The following PIGL variants were observed in gnomAD, a reference collection of about 807,000 sequenced individuals.
The protein encoded by PIGL is N-acetylglucosaminyl-phosphatidylinositol de-N-acetylase.
PIGL carries 22 observed loss-of-function variants against 31.1 expected under a neutral mutation model. The ratio of observed to expected loss-of-function variants is 0.71; its 90% confidence interval spans 0.51 to 1.01. The LOEUF (loss-of-function observed/expected upper bound fraction) is 1.01. Among genes scored for constraint, PIGL ranks in the 50% least tolerant of loss-of-function variants. The pLI, the probability that PIGL is intolerant of heterozygous loss-of-function variation, is 0.00. For missense variants in PIGL, 302 were observed against 315.9 expected (o/e 0.96, Z 0.33); for synonymous variants, 131 against 117.4 (o/e 1.12, Z -0.75).
At chr17:16,246,485 C>T (rs1441231617) in intron 2 of PIGL, among the ~76,000 whole-genome samples, 3 of 150,982 alleles carry the variant, frequency 2.0e-5, no homozygotes, top group Non-Finnish European at 4.4e-5. Context: ...GCACTCTAGC[C>T]TGGCAACAGA....
rs562856440 is a variant in PIGL at position 16,298,957 on chromosome 17, A to C, written c.336-931A>C. Among the ~76,000 whole-genome samples the C allele has an allele frequency of 5.3e-5, 8 of 151,354 alleles. 1 individual carries two copies. In the South Asian group the frequency reaches 1.7e-3, roughly 32 times the overall value. On this transcript the variant is annotated intron_variant, in intron 2 of 6. Transcript: ENST00000225609. Reference sequence around the variant, plus strand: ...CAGGAGAACCATTCGAACCCAGGAGATGGAGGTTACAGTGAGCTGAGATCA... The same window carrying C: ...CAGGAGAACCATTCGAACCCAGGAGCTGGAGGTTACAGTGAGCTGAGATCA...
At chr17:16,306,719 G>T (rs955741923) in intron 3 of PIGL, among the ~76,000 whole-genome samples, 2 of 151,972 alleles carry the variant, frequency 1.3e-5, no homozygotes, top group African/African-American at 2.4e-5. Context: ...AGTAGAGACG[G>T]GGTTTCTCCA....
At chr17:16,280,127 T>C (rs141790678) in intron 2 of PIGL, among the ~76,000 whole-genome samples, 1 of 152,292 alleles carries the variant, frequency 6.6e-6, no homozygotes, top group African/African-American at 2.4e-5. Context: ...ACACAGATGC[T>C]TGAGGTTCAC....
At chr17:16,266,759 C>A (rs1247870370) in intron 2 of PIGL, among the ~76,000 whole-genome samples, 1 of 151,954 alleles carries the variant, frequency 6.6e-6, no homozygotes, top group Non-Finnish European at 1.5e-5. Context: ...CCATGCCCAG[C>A]TAATTTTTTT....
At chr17:16,245,773 C>T (rs1182207045) in intron 2 of PIGL, among the ~76,000 whole-genome samples, 1 of 148,560 alleles carries the variant, frequency 6.7e-6, no homozygotes, top group Admixed American at 6.7e-5. Flanking sequence ...TATACATACA[C>T]ACACACATAT....
intron 2 of PIGL, among the ~76,000 whole-genome samples, chr17:16,280,560 G>T (rs1319601288): frequency 6.6e-6 from 1 of 152,076 alleles, no homozygotes; most frequent in African/African-American, 2.4e-5. Context: ...CTTGCCCCAC[G>T]CATGCACAGC....
At chr17:16,255,394 G>C (rs1334231117) in intron 2 of PIGL, among the ~76,000 whole-genome samples, 2 of 152,150 alleles carry the variant, frequency 1.3e-5, no homozygotes, top group African/African-American at 2.4e-5. Flanking sequence ...TGCTTGTCTT[G>C]ACATCAATGT....
chr17:16,247,490 G>C (rs1028578486), intron 2 of PIGL, among the ~76,000 whole-genome samples: 1 of 152,148 alleles, frequency 6.6e-6, no homozygotes, highest in Non-Finnish European at 1.5e-5. Flanking sequence ...ATTCCAAAAG[G>C]GAGAAATGGG....
intron 1 of PIGL, among the ~76,000 whole-genome samples, chr17:16,222,006 C>T (rs2092631644): frequency 6.6e-6 from 1 of 152,076 alleles, no homozygotes; most frequent in African/African-American, 2.4e-5. Context: ...GCCTTGGCCT[C>T]CCAAAATAAT....
chr17:16,321,984 A>G (rs1488238867), intron 6 of PIGL, among the ~76,000 whole-genome samples: 2 of 151,974 alleles, frequency 1.3e-5, no homozygotes, highest in African/African-American at 4.8e-5. Context: ...GGGTTTCCCC[A>G]TGTTGGTCAG....
chr17:16,234,157 T>C (rs1008658544), intron 2 of PIGL, 87 bp downstream of exon 2: 2 of 753,846 alleles, frequency 2.7e-6, no homozygotes, highest in African/African-American at 3.5e-5. Context: ...CTAATGTGAG[T>C]GGCTGAGAAC....
chr17:16,256,958 G>T (rs1215022740), intron 2 of PIGL, among the ~76,000 whole-genome samples: 1 of 152,014 alleles, frequency 6.6e-6, no homozygotes, highest in Non-Finnish European at 1.5e-5. Flanking sequence ...AAAGTGCTAG[G>T]ATTGCAGGCG....
chr17:16,295,622 G>A (rs546209442), intron 2 of PIGL, among the ~76,000 whole-genome samples: 59 of 151,834 alleles, frequency 3.9e-4, no homozygotes, highest in Non-Finnish European at 1.5e-4. Flanking sequence ...TTCCAGCCTG[G>A]GTGACAGAGC....
intron 2 of PIGL, among the ~76,000 whole-genome samples, chr17:16,258,475 G>A (rs1404199112): frequency 6.6e-6 from 1 of 151,140 alleles, no homozygotes; most frequent in East Asian, 1.9e-4. Flanking sequence ...ACCTCACCTG[G>A]CCTCTTTTAT....
At chr17:16,324,832 A>G (rs1242555343) in intron 6 of PIGL, among the ~76,000 whole-genome samples, 1 of 152,168 alleles carries the variant, frequency 6.6e-6, no homozygotes, top group Non-Finnish European at 1.5e-5. Flanking sequence ...AAACTGAACT[A>G]TACTAGGTCT....
intron 3 of PIGL, among the ~76,000 whole-genome samples, chr17:16,305,823 G>A (rs115743525): frequency 0.016 from 2,465 of 152,210 alleles, 60 homozygotes; most frequent in African/African-American, 0.056. Flanking sequence ...TGTTCTTGTC[G>A]CCTAGGCTGG....
At chr17:16,294,889 C>T (rs1396237623) in intron 2 of PIGL, among the ~76,000 whole-genome samples, 2 of 152,184 alleles carry the variant, frequency 1.3e-5, no homozygotes, top group African/African-American at 4.8e-5. Context: ...CCTTCCATGG[C>T]TCTGCTGTCC....
intron 6 of PIGL, among the ~76,000 whole-genome samples, chr17:16,323,382 T>C (rs1438174235): frequency 6.6e-6 from 1 of 150,764 alleles, no homozygotes; most frequent in Non-Finnish European, 1.5e-5. Flanking sequence ...TACAGGCAGG[T>C]GCCACCACGC....
intron 2 of PIGL, among the ~76,000 whole-genome samples, chr17:16,267,633 TGCAGTGG>T (rs1211627043): frequency 6.6e-6 from 1 of 150,602 alleles, no homozygotes; most frequent in Non-Finnish European, 1.5e-5. Flanking sequence ...GAACCCAGAC[TGCAGTGG>T]GCTATGATGG....
Sources: allele counts gnomAD v4.1 joint callset (sites outside exome capture counted in the v4.1 genomes callset), GRCh38; gene constraint gnomAD v4.1.1; transcripts MANE v1.5; gene names NCBI Gene and HGNC (gene_info 2026-07-23, HGNC 2026-07-21).